The following KIF6 variants were observed in gnomAD, a reference collection of about 807,000 sequenced individuals.
KIF6 encodes kinesin-like protein KIF6.
Under a neutral mutation model 112.7 loss-of-function variants are expected in KIF6, and 106 were observed. That is an observed-to-expected ratio of 0.94 (90% CI 0.80 to 1.11). The LOEUF is 1.11. Among genes scored for constraint, KIF6 ranks in the 50% least tolerant of loss-of-function variants. KIF6 has a pLI of 0.00. For synonymous variants in KIF6, 339 were observed against 339.9 expected, an observed-to-expected ratio of 1.00 and a Z score of 0.03; for missense variants, 929 against 964.0, an observed-to-expected ratio of 0.96 and a Z score of 0.48.
At chr6:39,581,980 G>C (rs904998284) in intron 9 of KIF6, among the ~76,000 whole-genome samples, 1 of 152,176 alleles carries the variant, frequency 6.6e-6, no homozygotes, top group Non-Finnish European at 1.5e-5. Context: ...ACATGTCACT[G>C]TTCCTAGAAT....
At chr6:39,418,034 T>A (rs778454922) in intron 15 of KIF6, among the ~76,000 whole-genome samples, 1 of 142,056 alleles carries the variant, frequency 7.0e-6, no homozygotes, top group Non-Finnish European at 1.5e-5. Flanking sequence ...AAGTAGACTA[T>A]CACTGCCCAC....
intron 6 of KIF6, among the ~76,000 whole-genome samples, chr6:39,601,361 C>T (rs1285974993): frequency 2.0e-5 from 3 of 152,046 alleles, no homozygotes; most frequent in Middle Eastern, 3.2e-3. Context: ...TCCAATTGTT[C>T]TCCATCTCTC....
At chr6:39,712,938 A>C (rs1789642323) in intron 3 of KIF6, among the ~76,000 whole-genome samples, 1 of 152,198 alleles carries the variant, frequency 6.6e-6, no homozygotes, top group African/African-American at 2.4e-5. Context: ...GTACCCTAGA[A>C]CTTAAAGTAA....
At chr6:39,443,696 G>A (rs7745664) in intron 13 of KIF6, among the ~76,000 whole-genome samples, 1,918 of 152,146 alleles carry the variant, frequency 0.013, 51 homozygotes, top group African/African-American at 0.044. Context: ...TGCCCACCGT[G>A]ACCTCCCAAA....
At chr6:39,621,013 C>A (rs552690234) in intron 5 of KIF6, among the ~76,000 whole-genome samples, 2 of 152,006 alleles carry the variant, frequency 1.3e-5, no homozygotes, top group Non-Finnish European at 2.9e-5. Context: ...AGGTGATTTG[C>A]CCACCCTGGC....
intron 13 of KIF6, among the ~76,000 whole-genome samples, chr6:39,505,592 A>C (rs1000541900): frequency 1.3e-5 from 2 of 152,240 alleles, no homozygotes; most frequent in Non-Finnish European, 2.9e-5. Flanking sequence ...GAATTTTTGC[A>C]ATCTATCCAT....
rs144745196 is a variant in KIF6 at position 39,358,975 on chromosome 6, C to T, written c.2082+1420G>A. Among the ~76,000 whole-genome samples, 691 of 152,322 alleles carry T rather than the reference C, an allele frequency of 4.5e-3. 4 individuals are homozygous for T. Among genetic ancestry groups the T allele is most frequent in the African/African-American group, 0.015 (608 of 41,566 alleles). ...CGTTTTAAAAGTGGTACATGTATTA[C>T]TATACCATAACTCAAAATATTTTGA... On this transcript the variant is annotated intron_variant, in intron 18 of 22. Coordinates refer to ENST00000287152, the MANE Select transcript of KIF6 (RefSeq NM_145027.6).
intron 3 of KIF6, among the ~76,000 whole-genome samples, chr6:39,677,957 A>C (rs12180497): frequency 0.32 from 46,217 of 146,580 alleles, 8,096 homozygotes; most frequent in Non-Finnish European, 0.4. Flanking sequence ...GTTGGTTCCA[A>C]GTCTTTGCTA....
At chr6:39,355,459 C>CTTT (rs574801087) in intron 19 of KIF6, among the ~76,000 whole-genome samples, 1,334 of 82,702 alleles carry the variant, frequency 0.016, 43 homozygotes, top group African/African-American at 0.059. Flanking sequence ...TTTAAGAAGT[C>CTTT]TTTTTTTTTT....
Position 39,667,676 on chromosome 6 carries a change from G to A in KIF6, c.252-27919C>T, listed in dbSNP as rs1188078574. Among the ~76,000 whole-genome samples, 4 of 152,250 alleles carry A rather than the reference G, an allele frequency of 2.6e-5. No homozygotes were observed. The East Asian group carries it at 7.7e-4, about 29-fold the overall frequency. ...AATTTCCAAATAAAGACAATAACAA[G>A]GTAATAGTACTGCTGAGCATGATGC... is the stretch of plus-strand genomic sequence containing the variant. On this transcript the variant is annotated intron_variant, in intron 3 of 22. Coordinates refer to ENST00000287152, the MANE Select transcript of KIF6 (RefSeq NM_145027.6).
At chr6:39,598,202 A>G (rs1425391420) in intron 6 of KIF6, among the ~76,000 whole-genome samples, 1 of 152,070 alleles carries the variant, frequency 6.6e-6, no homozygotes, top group African/African-American at 2.4e-5. Context: ...TAAATAAATA[A>G]ATACATAAAT....
chr6:39,523,773 G>T (rs114851178), intron 13 of KIF6, among the ~76,000 whole-genome samples: 3,356 of 146,428 alleles, frequency 0.023, 82 homozygotes, highest in African/African-American at 0.063. Flanking sequence ...GGGAATAGTT[G>T]GCATCCGTTT....
intron 17 of KIF6, 76 bp from the exon 18 acceptor site, chr6:39,360,606 G>T: frequency 6.4e-7 from 1 of 1,558,080 alleles, no homozygotes; most frequent in South Asian, 1.1e-5. Context: ...GTAAATGAAT[G>T]GGGCCCGTGC....
chr6:39,403,166 T>C (rs1768829365), intron 15 of KIF6, among the ~76,000 whole-genome samples: 1 of 152,212 alleles, frequency 6.6e-6, no homozygotes, highest in Non-Finnish European at 1.5e-5. Context: ...GGTGGATTCA[T>C]ACTGTTTTAT....
intron 16 of KIF6, among the ~76,000 whole-genome samples, chr6:39,369,860 C>T (rs1162276114): frequency 6.6e-6 from 1 of 152,196 alleles, no homozygotes; most frequent in Non-Finnish European, 1.5e-5. Flanking sequence ...ACGACTCCTT[C>T]TGCTGGAACC....
intron 13 of KIF6, among the ~76,000 whole-genome samples, chr6:39,526,384 C>CA (rs1562287986): frequency 6.6e-6 from 1 of 152,172 alleles, no homozygotes; most frequent in Non-Finnish European, 1.5e-5. Flanking sequence ...CCTCAACTAT[C>CA]CAGTCCCTTT....
At chr6:39,339,422 C>T (rs947048763) in intron 22 of KIF6, among the ~76,000 whole-genome samples, 5 of 151,996 alleles carry the variant, frequency 3.3e-5, no homozygotes, top group African/African-American at 7.2e-5. Flanking sequence ...CCTCCCAGCT[C>T]GGGGCTCTTT....
chr6:39,658,621 T>C (rs1785942620), intron 3 of KIF6, among the ~76,000 whole-genome samples: 4 of 152,190 alleles, frequency 2.6e-5, no homozygotes, highest in Admixed American at 2.6e-4. Context: ...GTGAGGAGCA[T>C]AATTTGCCTC....
Position 39,665,181 on chromosome 6 carries a change from G to C in KIF6, c.252-25424C>G, listed in dbSNP as rs1283618941. ...TGAACAACCTAAGACGAAATTGATG[G>C]AAAACCATGATGGGTCACCCCCATA... is the stretch of plus-strand genomic sequence containing the variant. On this transcript the variant is annotated intron_variant, in intron 3 of 22. Coordinates refer to ENST00000287152, the MANE Select transcript of KIF6 (RefSeq NM_145027.6). 2.6e-5 allele frequency among the ~76,000 whole-genome samples: 4 copies of C among 152,230 alleles called. No homozygotes were observed. In the South Asian group the frequency reaches 6.2e-4, roughly 24 times the overall value.
Sources: gnomAD v4.1 joint callset for allele counts (sites outside exome capture counted in the v4.1 genomes callset) on GRCh38, gnomAD v4.1.1 for gene constraint, MANE v1.5 for transcripts, NCBI Gene and HGNC (gene_info 2026-07-23, HGNC 2026-07-21) for gene names.